Variants in OXCT2 observed in about 807,000 individuals in gnomAD.
OXCT2 encodes the protein 3-oxoacid CoA-transferase 2.
For missense variants in OXCT2, 317 were observed against 695.7 expected, an observed-to-expected ratio of 0.46 and a Z score of 6.12; for synonymous variants, 110 against 298.4, an observed-to-expected ratio of 0.37 and a Z score of 6.51.
At position 39,770,494 on chromosome 1, in the gene OXCT2, G is replaced by A. The variant is rs781712194; in HGVS notation, c.762C>T (p.Phe254=). Residue 254 remains phenylalanine (F), a synonymous_variant, in exon 1 of 1, where the codon TTC becomes TTT. Coordinates refer to ENST00000327582, the MANE Select transcript of OXCT2 (RefSeq NM_022120.2). ...EVEEIVEVGA[F]PPEDIHVPNI... is the part of the protein sequence containing the mutation. ...TAGGAACGTGGATGTCTTCTGGGGG[G>A]AAAGCCCCCACCTCCACGATCTCTT... is the stretch of plus-strand genomic sequence containing the variant. 1.9e-6 allele frequency: 3 copies of A among 1,610,280 alleles called. No individual in the cohort carries two copies. The highest frequency in any genetic ancestry group is 2.5e-6 in the Non-Finnish European group (3 of 1,179,202).
Position 39,769,700 on chromosome 1 carries a change from C to A in OXCT2, c.*2G>T, listed in dbSNP as rs745929984. The A allele has an allele frequency of 1.6e-5, 25 of 1,605,032 alleles. No individual in the cohort carries two copies. In the African/African-American group the frequency reaches 3.1e-4, roughly 20 times the overall value. ...CACCACCCCGCCCAGATCCAGGTCC[C>A]GTCAGGGTGCCACCTGCTGCATGGG... On this transcript the variant is annotated 3_prime_UTR_variant, in exon 1 of 1. Transcript: ENST00000327582.
Position 39,770,181 on chromosome 1 carries a change from C to G in OXCT2, c.1075G>C (p.Asp359His). Residue 359 changes from aspartate to histidine, a missense_variant, in exon 1 of 1, where the codon GAC becomes CAC. Asp to His is a moderately conservative substitution (Grantham distance 81). Coordinates refer to ENST00000327582, the MANE Select transcript of OXCT2 (RefSeq NM_022120.2). ...GTCTGCTTGCCTGCATTGATGAGGTCGGCATCCACCTCATCTTCCGTGGGA... is the reference window on the plus strand; with the variant it reads ...GTCTGCTTGCCTGCATTGATGAGGTGGGCATCCACCTCATCTTCCGTGGGA... The part of the protein sequence containing the change: ...PFPTEDEVDA[D>H]LINAGKQTVT... 1 of 1,311,970 alleles carries G rather than the reference C, an allele frequency of 7.6e-7. No homozygotes were observed. Among genetic ancestry groups the G allele is most frequent in the Non-Finnish European group, 1.0e-6 (1 of 978,814 alleles). 81.3% of individuals were successfully genotyped at this position (1,311,970 alleles called of 1,614,324 possible). A position where few individuals can be genotyped will look rare whatever the true frequency, so the allele number is the denominator to read the frequency against.
chr1:39,770,508 C>T lies in OXCT2; in HGVS notation c.748G>A (p.Glu250Lys). ...TCTTCTGGGGGGAAAGCCCCCACCT[C>T]CACGATCTCTTCCACCTCCACCGCC... ...VTAVEVEEIV[E>K]VGAFPPEDIH... is the part of the protein sequence containing the mutation. The change falls in exon 1 of 1, where the codon GAG (glutamate) becomes AAG (lysine). Residue 250 changes from glutamate (E) to lysine (K), a missense_variant. Glu to Lys is a moderately conservative substitution (Grantham distance 56). Coordinates refer to ENST00000327582, the MANE Select transcript of OXCT2 (RefSeq NM_022120.2). The T allele has an allele frequency of 1.9e-6, 3 of 1,610,488 alleles. No individual in the cohort carries two copies. Among genetic ancestry groups the T allele is most frequent in the Non-Finnish European group, 2.5e-6 (3 of 1,179,230 alleles).
In OXCT2 at chr1:39,769,805, C is replaced by G; in HGVS notation, c.1451G>C (p.Arg484Thr). ...CACCGTCAGGCCCTCCCAGAGCTCC[C>G]TCAGCGTCAGCTCTTTCTTCCTGTG... ...DVHRKKELTL[R>T]ELWEGLTVDD... The change falls in exon 1 of 1, where the codon AGG (arginine) becomes ACG (threonine). Residue 484 changes from arginine to threonine, a missense_variant. Physicochemically the swap from Arg to Thr is moderately conservative, Grantham distance 71 (BLOSUM62 -1). Transcript: ENST00000327582. The G allele has an allele frequency of 6.2e-7, 1 of 1,613,724 alleles. No homozygotes were observed. Among genetic ancestry groups the G allele is most frequent in the African/African-American group, 1.3e-5 (1 of 75,004 alleles).
rs771163941 is a variant in OXCT2, at chr1:39,770,510, A to C, written c.746T>G (p.Val249Gly). 1.9e-6 allele frequency: 3 copies of C among 1,610,106 alleles called. No homozygotes were observed. Among genetic ancestry groups the C allele is most frequent in the Admixed American group, 3.3e-5 (2 of 59,906 alleles). ...TTCTGGGGGGAAAGCCCCCACCTCC[A>C]CGATCTCTTCCACCTCCACCGCCGT... ...DVTAVEVEEI[V>G]EVGAFPPEDI... The change falls in exon 1 of 1, where the codon GTG becomes GGG. Residue 249 changes from valine to glycine, a missense_variant. Coordinates refer to ENST00000327582, the MANE Select transcript of OXCT2 (RefSeq NM_022120.2).
chr1:39,771,070 C>A lies in OXCT2; in HGVS notation c.186G>T (p.Gly62=). The A allele has an allele frequency of 6.5e-7, 1 of 1,536,980 alleles. No homozygotes were observed. The highest frequency in any genetic ancestry group is 1.2e-5 in the South Asian group (1 of 81,554). The change falls in exon 1 of 1, where the codon GGG becomes GGT. Residue 62 remains glycine (G), a synonymous_variant. Transcript: ENST00000327582. ...CGGGGATCCCGCAGAGCCCGAAGCC[C>A]CCGATCATGACGGTCGCCCCGTCAG... The part of the protein sequence containing the change: ...DISDGATVMI[G]GFGLCGIPEN...
In OXCT2 at chr1:39,770,163, T is replaced by C. The variant is rs765126965; in HGVS notation, c.1093A>G (p.Lys365Glu). 9 of 1,270,262 alleles carry C rather than the reference T, an allele frequency of 7.1e-6. 1 individual carries two copies. In the East Asian group the frequency reaches 2.0e-4, roughly 29 times the overall value. 78.7% of individuals were successfully genotyped at this position (1,270,262 alleles called of 1,614,324 possible). A position where few individuals can be genotyped will look rare whatever the true frequency, so the allele number is the denominator to read the frequency against. ...CCGGGAAGCACCGTGACCGTCTGCT[T>C]GCCTGCATTGATGAGGTCGGCATCC... ...EVDADLINAG[K>E]QTVTVLPGGC... is the part of the protein sequence containing the mutation. The change falls in exon 1 of 1, where the codon AAG (lysine) becomes GAG (glutamate). Residue 365 changes from lysine (K) to glutamate (E), a missense_variant. Physicochemically the swap from Lys to Glu is moderately conservative, Grantham distance 56. Transcript: ENST00000327582.
Position 39,769,817 on chromosome 1 carries a change from T to G in OXCT2, c.1439A>C (p.Glu480Ala), listed in dbSNP as rs1050917. ...CTCCCAGAGCTCCCTCAGCGTCAGC[T>G]CTTTCTTCCTGTGCACGTCAAACAC... ...KAVFDVHRKKELTLRELWEGL... is the reference protein window; with the variant it reads ...KAVFDVHRKKALTLRELWEGL... Residue 480 changes from glutamate to alanine, a missense_variant, in exon 1 of 1, where the codon GAG becomes GCG. By Grantham distance (107) the Glu-to-Ala change is moderately radical. Coordinates refer to ENST00000327582, the MANE Select transcript of OXCT2 (RefSeq NM_022120.2). The G allele has an allele frequency of 1.4e-6, 2 of 1,393,926 alleles. No individual in the cohort carries two copies. Among genetic ancestry groups the G allele is most frequent in the Non-Finnish European group, 1.9e-6 (2 of 1,032,596 alleles). The allele number at this position is 1,393,926 out of a possible 1,614,324, so 86.3% of individuals were successfully genotyped here.
rs775801904 is a variant in OXCT2, at chr1:39,770,343, G to A, written c.913C>T (p.Arg305Cys). ...EEDARTRIIR[R>C]AALEFEDGMY... ...CCGTCCTCAAATTCCAGAGCTGCGCGTCTGATGATGCGCGTCCTGGCGTCC... is the reference window on the plus strand; with the variant it reads ...CCGTCCTCAAATTCCAGAGCTGCGCATCTGATGATGCGCGTCCTGGCGTCC... Residue 305 changes from arginine to cysteine, a missense_variant, in exon 1 of 1, where the codon CGC (arginine) becomes TGC (cysteine). Coordinates refer to ENST00000327582, the MANE Select transcript of OXCT2 (RefSeq NM_022120.2). The A allele has an allele frequency of 2.6e-5, 42 of 1,591,858 alleles. No individual in the cohort carries two copies. The highest frequency in any genetic ancestry group is 3.4e-4 in the Middle Eastern group (2 of 5,832).
chr1:39,770,686 C>T lies in OXCT2; in HGVS notation c.570G>A (p.Arg190=), dbSNP rs1356569687. The T allele has an allele frequency of 7.4e-7, 1 of 1,355,778 alleles. No homozygotes were observed. Among genetic ancestry groups the T allele is most frequent in the African/African-American group, 1.9e-5 (1 of 51,332 alleles). 84.0% of individuals were successfully genotyped at this position (1,355,778 alleles called of 1,614,324 possible). A position where few individuals can be genotyped will look rare whatever the true frequency, so the allele number is the denominator to read the frequency against. ...AAAGGAAGTGGTCGCCGTTGAACTC[C>T]CTCACCTCTCGGGGCTGGCTCATGA... is the stretch of plus-strand genomic sequence containing the variant. ...LALMSQPREV[R]EFNGDHFLLE... The change falls in exon 1 of 1, where the codon AGG becomes AGA. Residue 190 remains arginine (R), a synonymous_variant. Coordinates refer to ENST00000327582, the MANE Select transcript of OXCT2 (RefSeq NM_022120.2).
rs1649879359 is a variant in OXCT2 at position 39,770,460 on chromosome 1, C to G, written c.796G>C (p.Val266Leu). 4.3e-6 allele frequency: 7 copies of G among 1,609,878 alleles called. No individual in the cohort carries two copies. The highest frequency in any genetic ancestry group is 5.9e-6 in the Non-Finnish European group (7 of 1,179,188). ...TTCTGCCCCTTTATCACGCGATCTA[C>G]ATAAATGTTAGGAACGTGGATGTCT... ...PEDIHVPNIYVDRVIKGQKYE... is the reference protein window; with the variant it reads ...PEDIHVPNIYLDRVIKGQKYE... The change falls in exon 1 of 1, where the codon GTA becomes CTA. Residue 266 changes from valine to leucine, a missense_variant. Transcript: ENST00000327582.
Position 39,771,168 on chromosome 1 carries a change from G to T in OXCT2, c.88C>A (p.Arg30Ser), listed in dbSNP as rs1384286253. 9.0e-6 allele frequency: 14 copies of T among 1,551,794 alleles called. 4 individuals are homozygous for T. Among genetic ancestry groups the T allele is most frequent in the Non-Finnish European group, 1.2e-5 (14 of 1,142,308 alleles). ...SGLALSQGCA[R>S]CFATSPRLRA... ...AGCCGGGGACTGGTGGCAAAGCAGCGGGCGCAGCCCTGGGACAGCGCGAGC... is the reference window on the plus strand; with the variant it reads ...AGCCGGGGACTGGTGGCAAAGCAGCTGGCGCAGCCCTGGGACAGCGCGAGC... Residue 30 changes from arginine (R) to serine (S), a missense_variant, in exon 1 of 1, where the codon CGC becomes AGC. Physicochemically the swap from Arg to Ser is moderately radical, Grantham distance 110. Coordinates refer to ENST00000327582, the MANE Select transcript of OXCT2 (RefSeq NM_022120.2).
rs756714289 is a variant in OXCT2, at chr1:39,770,574, G to A, written c.682C>T (p.Arg228Cys). The A allele has an allele frequency of 1.2e-6, 2 of 1,605,736 alleles. No homozygotes were observed. Among genetic ancestry groups the A allele is most frequent in the South Asian group, 1.1e-5 (1 of 90,292 alleles). Residue 228 changes from arginine to cysteine, a missense_variant, in exon 1 of 1, where the codon CGC (arginine) becomes TGC (cysteine). Arg to Cys is a radical substitution (Grantham distance 180). Transcript: ENST00000327582. ...AGNVVFRRSA[R>C]NFNVPMCKAA... ...TTGCACATGGGCACGTTGAAATTGC[G>A]GGCGCTTCTCCTGAAGACCACGTTT... is the stretch of plus-strand genomic sequence containing the variant.
rs1346061487 is a variant in OXCT2 at position 39,769,648 on chromosome 1, A to G, written c.*54T>C. On this transcript the variant is annotated 3_prime_UTR_variant, in exon 1 of 1. Coordinates refer to ENST00000327582, the MANE Select transcript of OXCT2 (RefSeq NM_022120.2). Reference sequence around the variant, plus strand: ...CTGGGGACATGTATTCCCCTGGGGAACCCGGTGGCACCCGCCCTGAGGAGC... The same window carrying G: ...CTGGGGACATGTATTCCCCTGGGGAGCCCGGTGGCACCCGCCCTGAGGAGC... The G allele has an allele frequency of 2.2e-5, 33 of 1,470,920 alleles. 2 individuals carry two copies. The highest frequency in any genetic ancestry group is 2.8e-5 in the Non-Finnish European group (31 of 1,112,206). The allele number at this position is 1,470,920 out of a possible 1,614,324, so 91.1% of individuals were successfully genotyped here.
Position 39,771,099 on chromosome 1 carries a change from T to G in OXCT2, c.157A>C (p.Ile53Leu). The G allele has an allele frequency of 6.4e-7, 1 of 1,562,234 alleles. No individual in the cohort carries two copies. The change falls in exon 1 of 1, where the codon ATC (isoleucine) becomes CTC (leucine). Residue 53 changes from isoleucine to leucine, a missense_variant. By Grantham distance (5) the Ile-to-Leu change is conservative (BLOSUM62 2). Coordinates refer to ENST00000327582, the MANE Select transcript of OXCT2 (RefSeq NM_022120.2). ...ATCATGACGGTCGCCCCGTCAGAGA[T>G]GTCCTTCACCATCTCCACCGGGTCC... ...YADPVEMVKD[I>L]SDGATVMIGG...
rs1032084062 is a variant in OXCT2, at chr1:39,769,571, A to G, written c.*131T>C. ...TAAAGTCGCAGCTCTCTAGAGGAGCACTGTCCACCTAGGGAGGAAAGTAGG... is the reference window on the plus strand; with the variant it reads ...TAAAGTCGCAGCTCTCTAGAGGAGCGCTGTCCACCTAGGGAGGAAAGTAGG... On this transcript the variant is annotated 3_prime_UTR_variant, in exon 1 of 1. Coordinates refer to ENST00000327582, the MANE Select transcript of OXCT2 (RefSeq NM_022120.2). The G allele has an allele frequency of 1.1e-4, 149 of 1,312,646 alleles. 1 individual carries two copies. The highest frequency in any genetic ancestry group is 1.4e-4 in the Non-Finnish European group (140 of 991,832). 81.3% of individuals were successfully genotyped at this position (1,312,646 alleles called of 1,614,324 possible). A position where few individuals can be genotyped will look rare whatever the true frequency, so the allele number is the denominator to read the frequency against.
chr1:39,770,524 C>T lies in OXCT2; in HGVS notation c.732G>A (p.Glu244=), dbSNP rs374640877. Residue 244 remains glutamate, a synonymous_variant, in exon 1 of 1, where the codon GAG becomes GAA. Transcript: ENST00000327582. ...MCKAADVTAV[E]VEEIVEVGAF... ...CCCCCACCTCCACGATCTCTTCCAC[C>T]TCCACCGCCGTGACGTCTGCAGCTT... 1.8e-5 allele frequency: 29 copies of T among 1,610,196 alleles called. 2 individuals carry two copies. In the African/African-American group the frequency reaches 3.8e-4, roughly 21 times the overall value.
rs753502658 is a variant in OXCT2, at chr1:39,770,418, C to G, written c.838G>C (p.Glu280Gln). ...TCCTCTTTCAGGATCGTTAAGCGCT[C>G]AATTCGTTTCTCGTATTTCTGCCCC... ...IKGQKYEKRI[E>Q]RLTILKEEDG... The change falls in exon 1 of 1, where the codon GAG (glutamate) becomes CAG (glutamine). Residue 280 changes from glutamate to glutamine, a missense_variant. By Grantham distance (29) the Glu-to-Gln change is conservative. Coordinates refer to ENST00000327582, the MANE Select transcript of OXCT2 (RefSeq NM_022120.2). The G allele has an allele frequency of 6.2e-6, 10 of 1,607,864 alleles. No homozygotes were observed. The highest frequency in any genetic ancestry group is 1.4e-5 in the African/African-American group (1 of 72,024).
Position 39,770,906 on chromosome 1 carries a change from C to T in OXCT2, c.350G>A (p.Gly117Asp). The T allele has an allele frequency of 1.1e-6, 1 of 901,522 alleles. No homozygotes were observed. The highest frequency in any genetic ancestry group is 1.7e-6 in the Non-Finnish European group (1 of 604,732). The allele number at this position is 901,522 out of a possible 1,614,324, so 55.8% of individuals were successfully genotyped here. The change falls in exon 1 of 1, where the codon GGC becomes GAC. Residue 117 changes from glycine (G) to aspartate (D), a missense_variant. Transcript: ENST00000327582. ...QVRRIVCSYV[G>D]ENTLCESQYL... ...CTGGCTCTCGCACAGGGTGTTCTCGCCCACGTAGGAACAGACGATGCGACG... is the reference window on the plus strand; with the variant it reads ...CTGGCTCTCGCACAGGGTGTTCTCGTCCACGTAGGAACAGACGATGCGACG...
Sources: allele counts gnomAD v4.1 joint callset, GRCh38; gene constraint gnomAD v4.1.1; transcripts MANE v1.5; gene names NCBI Gene and HGNC (gene_info 2026-07-23, HGNC 2026-07-21).